SEPTIN9: variants seen among roughly 807,000 people sequenced by gnomAD.
SEPTIN9 encodes the protein septin-9.
Under a neutral mutation model 56.6 loss-of-function variants are expected in SEPTIN9, and 13 were observed. The ratio of observed to expected loss-of-function variants is 0.23; its 90% confidence interval spans 0.15 to 0.37. The LOEUF (loss-of-function observed/expected upper bound fraction) is 0.37. Among genes scored for constraint, SEPTIN9 ranks in the 10% least tolerant of loss-of-function variants. The probability of loss-of-function intolerance (pLI) is 1.00; values close to 1 mark genes in which losing one functional copy is unlikely to be tolerated. For missense variants in SEPTIN9, 650 were observed against 823.1 expected (o/e 0.79, Z 2.57); for synonymous variants, 332 against 334.1 (o/e 0.99, Z 0.07).
At chr17:77,298,886 T>G (rs2031923611) in intron 1 of SEPTIN9, among the ~76,000 whole-genome samples, 1 of 152,246 alleles carries the variant, frequency 6.6e-6, no homozygotes, top group African/African-American at 2.4e-5. Flanking sequence ...CAATTGCAAC[T>G]CACTGCAGCC....
chr17:77,372,057 G>T (rs1025308620), intron 2 of SEPTIN9, among the ~76,000 whole-genome samples: 10 of 152,138 alleles, frequency 6.6e-5, no homozygotes, highest in African/African-American at 2.4e-4. Flanking sequence ...CCCAGGATGA[G>T]CTGTCAGGCG....
At chr17:77,493,844 C>G (rs1314745787) in intron 10 of SEPTIN9, among the ~76,000 whole-genome samples, 1 of 147,814 alleles carries the variant, frequency 6.8e-6, no homozygotes, top group African/African-American at 2.5e-5. Flanking sequence ...GCAATCTCAG[C>G]TCACTGCAAC....
intron 6 of SEPTIN9, 135 bp from the exon 7 acceptor site, chr17:77,488,592 G>C (rs1458723486): frequency 7.7e-7 from 1 of 1,291,304 alleles, no homozygotes; most frequent in Non-Finnish European, 1.1e-6. Context: ...TGGCATCTCC[G>C]CTCAGCAAGC....
chr17:77,466,500 A>T (rs2038738867), intron 3 of SEPTIN9: 1 of 985,324 alleles, frequency 1.0e-6, no homozygotes, highest in Non-Finnish European at 1.2e-6. Context: ...GCCAGGGGTC[A>T]CTACTGGGTG....
chr17:77,406,589 T>C (rs1296410303), intron 3 of SEPTIN9, among the ~76,000 whole-genome samples: 2 of 152,106 alleles, frequency 1.3e-5, no homozygotes, highest in Non-Finnish European at 2.9e-5. Context: ...GAGGTTTTGC[T>C]GTATAGTCTT....
intron 1 of SEPTIN9, among the ~76,000 whole-genome samples, chr17:77,305,117 T>C (rs1360251498): frequency 6.6e-6 from 1 of 152,184 alleles, no homozygotes; most frequent in Admixed American, 6.5e-5. Flanking sequence ...TCTGCCTTTC[T>C]GTCTGGAGGG....
chr17:77,323,739 G>T lies in SEPTIN9; in HGVS notation c.76+16542G>T. 1 of 152,638 alleles carries T rather than the reference G, an allele frequency of 6.6e-6. No homozygotes were observed. The highest frequency in any genetic ancestry group is 1.5e-5 in the Non-Finnish European group (1 of 68,300). The allele number at this position is 152,638 out of a possible 1,614,324, so 9.5% of individuals were successfully genotyped here. ...TCCCCGATGGCCTCTGCCATCCCCT[G>T]GGAGTTCTTACCCCTGGACGCTCGG... is the stretch of plus-strand genomic sequence containing the variant. On this transcript the variant is annotated intron_variant, in intron 2 of 11. Coordinates refer to ENST00000427177, the MANE Select transcript of SEPTIN9 (RefSeq NM_001113491.2). This position sits in a 1 kb window ranked among gnomAD's most constrained non-coding sequence, Gnocchi z 6.8.
Position 77,388,834 on chromosome 17 carries a change from T to TC in SEPTIN9, c.77-13225_77-13224insC, listed in dbSNP as rs1283776131. 3.9e-3 allele frequency among the ~76,000 whole-genome samples: 467 copies of TC among 118,652 alleles called. 3 individuals are homozygous for TC. Among genetic ancestry groups the TC allele is most frequent in the African/African-American group, 0.013 (446 of 34,858 alleles). 77.8% of individuals were successfully genotyped at this position (118,652 alleles called of 152,430 possible). ...GCTTTTTTTTTTTTTTTTTTTTTTT[T>TC]GCATTTTTTAAGTGCTTGTAACATT... is the stretch of plus-strand genomic sequence containing the variant. On this transcript the variant is annotated intron_variant, in intron 2 of 11. Transcript: ENST00000427177.
chr17:77,487,401 C>G lies in SEPTIN9; in HGVS notation c.914-23C>G, dbSNP rs758738190. ...CTGGTCTCTCCGGAGAGACCCCTGA[C>G]CGGCCTCCCATCCTCTCCCCAGGGC... On this transcript the variant is annotated intron_variant, in intron 4 of 11. Coordinates refer to ENST00000427177, the MANE Select transcript of SEPTIN9 (RefSeq NM_001113491.2). The surrounding 1 kb of genome is among the most constrained non-coding windows in gnomAD (Gnocchi z 4.3). The G allele has an allele frequency of 1.3e-6, 2 of 1,583,780 alleles. No homozygotes were observed.
At chr17:77,295,598 G>A (rs1179505758) in intron 1 of SEPTIN9, among the ~76,000 whole-genome samples, 3 of 152,306 alleles carry the variant, frequency 2.0e-5, no homozygotes, top group Middle Eastern at 3.4e-3. Context: ...AGCAGAGGTC[G>A]GCGTTTCTCC....
intron 3 of SEPTIN9, among the ~76,000 whole-genome samples, chr17:77,480,062 G>C (rs183575470): frequency 6.6e-6 from 1 of 152,152 alleles, no homozygotes; most frequent in African/African-American, 2.4e-5. Context: ...TCCAGGCTGC[G>C]TGGCCTGGGT....
intron 3 of SEPTIN9, among the ~76,000 whole-genome samples, chr17:77,409,419 G>C (rs11657725): frequency 0.32 from 48,892 of 152,060 alleles, 8,560 homozygotes; most frequent in Non-Finnish European, 0.4. Flanking sequence ...GCCAAGCACC[G>C]TGCAGTGGTG....
chr17:77,423,320 G>A (rs1325282115), intron 3 of SEPTIN9, among the ~76,000 whole-genome samples: 1 of 152,244 alleles, frequency 6.6e-6, no homozygotes, highest in Non-Finnish European at 1.5e-5. Flanking sequence ...ACAGGCGTGA[G>A]CCACTGCGCC....
chr17:77,467,825 G>A (rs1428182098), intron 3 of SEPTIN9, among the ~76,000 whole-genome samples: 2 of 152,218 alleles, frequency 1.3e-5, no homozygotes, highest in African/African-American at 4.8e-5. Flanking sequence ...ACGAGGGGCC[G>A]GACGAAAGGA....
At chr17:77,284,736 TCTC>T (rs1233355833) in intron 1 of SEPTIN9, among the ~76,000 whole-genome samples, 1 of 152,166 alleles carries the variant, frequency 6.6e-6, no homozygotes, top group Non-Finnish European at 1.5e-5. Context: ...TTCAAGTGAT[TCTC>T]CTGCCTCAGC....
chr17:77,354,851 C>T (rs1265103886), intron 2 of SEPTIN9, among the ~76,000 whole-genome samples: 1 of 152,034 alleles, frequency 6.6e-6, no homozygotes, highest in East Asian at 1.9e-4. Flanking sequence ...CGGTGCTGGG[C>T]GCTTGCTCTT....
intron 3 of SEPTIN9, among the ~76,000 whole-genome samples, chr17:77,408,198 C>T (rs1302734222): frequency 1.3e-5 from 2 of 152,248 alleles, no homozygotes; most frequent in African/African-American, 4.8e-5. Flanking sequence ...CATTCCACCC[C>T]TCCCAGCCTC....
In SEPTIN9 at chr17:77,444,238, A is replaced by T. The variant is rs144847356; in HGVS notation, c.722-37906A>T. On this transcript the variant is annotated intron_variant, in intron 3 of 11. Coordinates refer to ENST00000427177, the MANE Select transcript of SEPTIN9 (RefSeq NM_001113491.2). ...GGAAGAATTTCAACTTTAACAGAGG[A>T]GCCTGGGAAGCTGTTTGGGAAAAGG... Among the ~76,000 whole-genome samples the T allele has an allele frequency of 5.4e-3, 824 of 152,192 alleles. 10 individuals are homozygous for T. Among genetic ancestry groups the T allele is most frequent in the African/African-American group, 0.019 (786 of 41,510 alleles).
At chr17:77,391,408 T>C (rs389811) in intron 2 of SEPTIN9, among the ~76,000 whole-genome samples, 44,645 of 151,994 alleles carry the variant, frequency 0.29, 7,615 homozygotes, top group East Asian at 0.63. Context: ...CGCATCACCA[T>C]CATCTCTGAT....
Sources: gnomAD v4.1 joint callset for allele counts (sites outside exome capture counted in the v4.1 genomes callset) on GRCh38, gnomAD v4.1.1 for gene constraint, Gnocchi (gnomAD v3.1) non-coding constraint, MANE v1.5 for transcripts, NCBI Gene and HGNC (gene_info 2026-07-23, HGNC 2026-07-21) for gene names.